FOXJ2: variants seen among roughly 807,000 people sequenced by gnomAD.
FOXJ2 encodes forkhead box protein J2.
In FOXJ2, 18 loss-of-function variants were observed where a neutral mutation model predicts 68.4. The observed-to-expected ratio is 0.26, with a 90% CI of 0.18 to 0.39. The LOEUF is 0.39. FOXJ2 is among the 10% of genes least tolerant of loss of function. The pLI is 1.00. For missense variants in FOXJ2, 670 were observed against 726.5 expected, an observed-to-expected ratio of 0.92 and a Z score of 0.89; for synonymous variants, 274 against 263.2, an observed-to-expected ratio of 1.04 and a Z score of -0.40.
intron 9 of FOXJ2, 116 bp downstream of exon 9, chr12:8,049,687 C>A: frequency 1.1e-6 from 1 of 895,180 alleles, no homozygotes; most frequent in South Asian, 2.1e-5. Context: ...CCAAATTGAG[C>A]AGTGGAACTA....
At chr12:8,046,304 A>G (rs914891776) in intron 6 of FOXJ2, among the ~76,000 whole-genome samples, 1 of 152,192 alleles carries the variant, frequency 6.6e-6, no homozygotes, top group African/African-American at 2.4e-5. Flanking sequence ...AAACAGATGC[A>G]AAAGTGTGGA....
chr12:8,050,129 C>A (rs1332550534), intron 9 of FOXJ2: 2 of 196,558 alleles, frequency 1.0e-5, no homozygotes, highest in Non-Finnish European at 1.0e-5. Flanking sequence ...TACCACCATG[C>A]CCAGCTAATT....
At chr12:8,049,254 TA>T (rs1947080854) in intron 8 of FOXJ2, 107 bp from the exon 9 acceptor site, 1 of 798,654 alleles carries the variant, frequency 1.3e-6, no homozygotes, top group Non-Finnish European at 2.1e-6. Context: ...TAGTGCCCGT[TA>T]TCAGTGGGGG....
rs778214342 is a variant in FOXJ2 at position 8,033,027 on chromosome 12, C to T, written c.-821C>T. On this transcript the variant is annotated 5_prime_UTR_variant, in exon 1 of 11. Transcript: ENST00000162391. ...AGGCGGGAGCGGGGACGCGAGCAAC[C>T]TCTCCCCCTGTTGGAGAGAAAAGAC... 2 of 396,186 alleles carry T rather than the reference C, an allele frequency of 5.0e-6. No individual in the cohort carries two copies. The highest frequency in any genetic ancestry group is 3.6e-5 in the East Asian group (1 of 27,918). The allele number at this position is 396,186 out of a possible 1,614,324, so 24.5% of individuals were successfully genotyped here. A position where few individuals can be genotyped will look rare whatever the true frequency, so the allele number is the denominator to read the frequency against.
At chr12:8,042,169 C>T (rs915858566) in intron 2 of FOXJ2, among the ~76,000 whole-genome samples, 8 of 152,234 alleles carry the variant, frequency 5.3e-5, no homozygotes, top group African/African-American at 9.6e-5. Flanking sequence ...TGAGCCACCA[C>T]GCCTGACCCC....
At chr12:8,049,107 C>T (rs1947079193) in intron 8 of FOXJ2, among the ~76,000 whole-genome samples, 1 of 152,160 alleles carries the variant, frequency 6.6e-6, no homozygotes, top group South Asian at 2.1e-4. Flanking sequence ...GACAGTGTGA[C>T]CTTGGCTGAG....
chr12:8,044,850 C>T lies in FOXJ2; in HGVS notation c.709C>T (p.His237Tyr). The T allele has an allele frequency of 1.9e-6, 3 of 1,614,008 alleles. No homozygotes were observed. Among genetic ancestry groups the T allele is most frequent in the African/African-American group, 1.3e-5 (1 of 75,044 alleles). Residue 237 changes from histidine to tyrosine, a missense_variant, in exon 6 of 11, where the codon CAT becomes TAT. Physicochemically the swap from His to Tyr is moderately conservative, Grantham distance 83. Around this residue, in one of 2 missense-constraint regions of FOXJ2, gnomAD observed 555 missense variants for 562.2 expected, o/e 0.99. Transcript: ENST00000162391. ...EGPPPLYNTN[H>Y]DFKFSYSEIN... Reference sequence around the variant, plus strand: ...TCCCCCTCCCCTCTATAACACCAACCATGACTTTAAATTCTCCTACTCAGA... The same window carrying T: ...TCCCCCTCCCCTCTATAACACCAACTATGACTTTAAATTCTCCTACTCAGA...
intron 10 of FOXJ2, among the ~76,000 whole-genome samples, chr12:8,051,360 C>T (rs1947124507): frequency 6.6e-6 from 1 of 152,018 alleles, no homozygotes; most frequent in South Asian, 2.1e-4. Context: ...GAACTCCTGA[C>T]CACAAGTGAT....
chr12:8,047,152 G>A (rs773572052), intron 6 of FOXJ2, among the ~76,000 whole-genome samples: 1 of 152,030 alleles, frequency 6.6e-6, no homozygotes, highest in Non-Finnish European at 1.5e-5. Flanking sequence ...GGCAGTAGCA[G>A]AGTGTAGAGA....
Position 8,040,737 on chromosome 12 carries a change from C to G in FOXJ2, c.333+572C>G, listed in dbSNP as rs761464630. ...CACCCGGCCCACATCCTCTTGTCTT[C>G]TGATCCCTCAAAGAGGATATTCACT... On this transcript the variant is annotated intron_variant, in intron 2 of 10. Coordinates refer to ENST00000162391, the MANE Select transcript of FOXJ2 (RefSeq NM_018416.3). This position sits in a 1 kb window ranked among gnomAD's most constrained non-coding sequence, Gnocchi z 4.0. 9.9e-4 allele frequency among the ~76,000 whole-genome samples: 151 copies of G among 152,142 alleles called. No homozygotes were observed. Among genetic ancestry groups the G allele is most frequent in the Middle Eastern group, 6.8e-3 (2 of 294 alleles).
intron 6 of FOXJ2, among the ~76,000 whole-genome samples, chr12:8,045,807 G>A (rs867518721): frequency 6.6e-6 from 1 of 151,800 alleles, no homozygotes; most frequent in Non-Finnish European, 1.5e-5. Flanking sequence ...ACAGGCTCCC[G>A]CCACCACGCC....
rs748822704 is a variant in FOXJ2, at chr12:8,050,575, A to G, written c.1591A>G (p.Met531Val). 27 of 1,613,812 alleles carry G rather than the reference A, an allele frequency of 1.7e-5. No homozygotes were observed. The East Asian group carries it at 4.9e-4, about 29-fold the overall frequency. ...APHLYPGPSP[M>V]YPIPTQDSAG... Reference sequence around the variant, plus strand: ...CCACCTCTACCCTGGCCCATCACCAATGTACCCAATCCCCACCCAGGACTC... The same window carrying G: ...CCACCTCTACCCTGGCCCATCACCAGTGTACCCAATCCCCACCCAGGACTC... The change falls in exon 10 of 11, where the codon ATG becomes GTG. Residue 531 changes from methionine to valine, a missense_variant. By Grantham distance (21) the Met-to-Val change is conservative. Coordinates refer to ENST00000162391, the MANE Select transcript of FOXJ2 (RefSeq NM_018416.3).
chr12:8,046,822 T>G (rs1327490788), intron 6 of FOXJ2, among the ~76,000 whole-genome samples: 1 of 152,170 alleles, frequency 6.6e-6, no homozygotes, highest in African/African-American at 2.4e-5. Flanking sequence ...AAACTTATAT[T>G]CATTTTCATG....
At position 8,040,825 on chromosome 12, in the gene FOXJ2, C is replaced by A. The variant is rs746282556; in HGVS notation, c.333+660C>A. On this transcript the variant is annotated intron_variant, in intron 2 of 10. Transcript: ENST00000162391. This position sits in a 1 kb window ranked among gnomAD's most constrained non-coding sequence, Gnocchi z 4.0. ...AGTCACTGTGCAAGGCATGGCATCA[C>A]TCCTTCCTACCTAGAGGTAGGAGTC... is the stretch of plus-strand genomic sequence containing the variant. Among the ~76,000 whole-genome samples, 15 of 152,290 alleles carry A rather than the reference C, an allele frequency of 9.8e-5. No homozygotes were observed. The highest frequency in any genetic ancestry group is 3.6e-4 in the African/African-American group (15 of 41,562).
chr12:8,049,254 T>TATCAGTGG, intron 8 of FOXJ2, 108 bp from the exon 9 acceptor site: 1 of 798,654 alleles, frequency 1.3e-6, no homozygotes, highest in Non-Finnish European at 2.1e-6. Context: ...TAGTGCCCGT[T>TATCAGTGG]ATCAGTGGGG....
chr12:8,051,104 CCCCTT>C (rs1222389383), intron 10 of FOXJ2, among the ~76,000 whole-genome samples: 1 of 74,644 alleles, frequency 1.3e-5, no homozygotes, highest in East Asian at 2.6e-4. Context: ...CCTTCCCCTT[CCCCTT>C]CCCTTCCCTT....
At chr12:8,043,544 C>T (rs762775932) in intron 3 of FOXJ2, among the ~76,000 whole-genome samples, 157 bp from the exon 4 acceptor site, 1 of 152,276 alleles carries the variant, frequency 6.6e-6, no homozygotes, top group African/African-American at 2.4e-5. Context: ...TTGTTCTGCC[C>T]CTCCAAAACA....
intron 10 of FOXJ2, among the ~76,000 whole-genome samples, chr12:8,052,376 AC>A (rs1386203813): frequency 6.6e-6 from 1 of 151,496 alleles, no homozygotes; most frequent in Non-Finnish European, 1.5e-5. Flanking sequence ...ATGTGACCAC[AC>A]CCAGCTAATT....
At chr12:8,049,273 T>C (rs775279630) in intron 8 of FOXJ2, 89 bp from the exon 9 acceptor site, 170 of 947,994 alleles carry the variant, frequency 1.8e-4, no homozygotes, top group Non-Finnish European at 2.5e-4. Flanking sequence ...GGGTGATTGA[T>C]GGTGTGTTTG....
Sources: allele counts gnomAD v4.1 joint callset (sites outside exome capture counted in the v4.1 genomes callset), GRCh38; gene constraint gnomAD v4.1.1; regional missense constraint gnomAD v4.1.1; non-coding constraint Gnocchi (gnomAD v3.1); transcripts MANE v1.5; gene names NCBI Gene and HGNC (gene_info 2026-07-23, HGNC 2026-07-21).